The following STX8 variants were observed in gnomAD, a reference collection of about 807,000 sequenced individuals.
The protein encoded by STX8 is syntaxin 8.
A neutral mutation model predicts 37.5 loss-of-function variants in STX8; 23 were observed. The observed-to-expected ratio is 0.61, with a 90% CI of 0.44 to 0.87. The LOEUF (loss-of-function observed/expected upper bound fraction) is 0.87. Among genes scored for constraint, STX8 ranks in the 40% least tolerant of loss-of-function variants. The probability of loss-of-function intolerance (pLI) is 0.00; values close to 1 mark genes in which losing one functional copy is unlikely to be tolerated. For missense variants in STX8, 313 were observed against 284.7 expected (o/e 1.10, Z -0.71); for synonymous variants, 115 against 99.1 (o/e 1.16, Z -0.95).
chr17:9,347,995 A>C (rs1257557551), intron 7 of STX8, among the ~76,000 whole-genome samples: 2 of 152,206 alleles, frequency 1.3e-5, no homozygotes, highest in Non-Finnish European at 2.9e-5. Context: ...GTTGAGTAAT[A>C]TTCCATTGTA....
At chr17:9,369,762 G>A (rs914869663) in intron 7 of STX8, among the ~76,000 whole-genome samples, 3 of 150,334 alleles carry the variant, frequency 2.0e-5, no homozygotes, top group African/African-American at 2.4e-5. Context: ...GCATGACGGC[G>A]AGTGCCTGTA....
chr17:9,300,466 C>T (rs185851988), intron 7 of STX8, among the ~76,000 whole-genome samples: 124 of 151,948 alleles, frequency 8.2e-4, no homozygotes, highest in Middle Eastern at 3.4e-3. Flanking sequence ...TTTGCTTCAG[C>T]TAGTTTGAGT....
chr17:9,501,404 T>G (rs1257843427), intron 5 of STX8, among the ~76,000 whole-genome samples: 1 of 152,022 alleles, frequency 6.6e-6, no homozygotes, highest in Non-Finnish European at 1.5e-5. Flanking sequence ...ACAACAGAAA[T>G]AGGCCCATAC....
intron 6 of STX8, among the ~76,000 whole-genome samples, chr17:9,438,650 C>T (rs936229837): frequency 1.3e-5 from 2 of 152,006 alleles, no homozygotes; most frequent in African/African-American, 4.8e-5. Context: ...GTCAAACAGC[C>T]GGGCGTGGTG....
chr17:9,409,287 T>C (rs967187871), intron 6 of STX8, among the ~76,000 whole-genome samples: 1 of 152,154 alleles, frequency 6.6e-6, no homozygotes, highest in African/African-American at 2.4e-5. Context: ...AAACACCTGG[T>C]GTTTAAAGCT....
rs1133295 is a variant in STX8 at position 9,568,394 on chromosome 17, T to G, written c.94A>C (p.Arg32=). ...EKIQQRNQYE[R]KGEKAPKLTV... ...ACCTTTGGTGCCTTTTCACCTTTTC[T>G]TTCATATTGATTTCGTTGTTGAATT... is the stretch of plus-strand genomic sequence containing the variant. Residue 32 remains arginine, a synonymous_variant, in exon 2 of 8, where the codon AGA becomes CGA. Transcript: ENST00000306357. 0.76 allele frequency: 1,227,078 copies of G among 1,610,794 alleles called. 476,403 individuals carry two copies. The highest frequency in any genetic ancestry group is 0.99 in the East Asian group (44,466 of 44,866).
intron 4 of STX8, among the ~76,000 whole-genome samples, chr17:9,511,872 G>T (rs1320334244): frequency 6.6e-6 from 1 of 152,088 alleles, no homozygotes; most frequent in Non-Finnish European, 1.5e-5. Flanking sequence ...TCTCAGAACT[G>T]ATAAACAAAT....
At chr17:9,391,725 A>G (rs73973723) in intron 6 of STX8, among the ~76,000 whole-genome samples, 55 of 152,034 alleles carry the variant, frequency 3.6e-4, no homozygotes, top group African/African-American at 1.3e-3. Flanking sequence ...AGAGAGAAAA[A>G]AAAAAAGGAA....
intron 6 of STX8, 33 bp downstream of exon 6, chr17:9,491,796 G>C (rs761652275): frequency 6.4e-7 from 1 of 1,556,980 alleles, no homozygotes; most frequent in African/African-American, 1.4e-5. Flanking sequence ...TTATGTCAAC[G>C]GCAAATCTGG....
At chr17:9,333,284 T>G (rs567317226) in intron 7 of STX8, among the ~76,000 whole-genome samples, 16 of 152,362 alleles carry the variant, frequency 1.1e-4, no homozygotes, top group African/African-American at 3.8e-4. Context: ...CAATGTCTTT[T>G]GTTCCCATCT....
At chr17:9,433,271 A>G (rs896481905) in intron 6 of STX8, among the ~76,000 whole-genome samples, 1 of 152,254 alleles carries the variant, frequency 6.6e-6, no homozygotes, top group African/African-American at 2.4e-5. Context: ...GATGAGCTAG[A>G]CGGTCTTAAC....
intron 6 of STX8, among the ~76,000 whole-genome samples, chr17:9,383,875 T>A (rs1433112596): frequency 6.6e-6 from 1 of 152,166 alleles, no homozygotes; most frequent in Non-Finnish European, 1.5e-5. Flanking sequence ...TCAAAAGCCA[T>A]ATTACATACT....
chr17:9,315,477 T>C (rs1487213128), intron 7 of STX8, among the ~76,000 whole-genome samples: 3 of 152,210 alleles, frequency 2.0e-5, no homozygotes, highest in Admixed American at 6.5e-5. Flanking sequence ...CCAATTCTAA[T>C]GCATTTAAAT....
intron 7 of STX8, among the ~76,000 whole-genome samples, chr17:9,361,800 C>T (rs1911072041): frequency 1.3e-5 from 2 of 152,132 alleles, no homozygotes; most frequent in Non-Finnish European, 2.9e-5. Flanking sequence ...GAGTGGCAAG[C>T]ACCAGAAAGT....
At chr17:9,534,195 CAAT>C (rs1453390915) in intron 4 of STX8, among the ~76,000 whole-genome samples, 5 of 137,328 alleles carry the variant, frequency 3.6e-5, no homozygotes, top group Non-Finnish European at 8.1e-5. Flanking sequence ...TAAACAACAA[CAAT>C]AGAAAAGTAC....
chr17:9,572,059 T>C (rs79358934), intron 1 of STX8, among the ~76,000 whole-genome samples: 2,603 of 152,230 alleles, frequency 0.017, 50 homozygotes, highest in Non-Finnish European at 0.028. Context: ...AAAATAAAGT[T>C]TTTAAAAAGC....
intron 6 of STX8, among the ~76,000 whole-genome samples, chr17:9,417,472 T>C (rs1597658433): frequency 6.6e-6 from 1 of 152,192 alleles, no homozygotes; most frequent in South Asian, 2.1e-4. Flanking sequence ...AATCTATTTG[T>C]CTTTGTCCCC....
chr17:9,562,355 G>A (rs1907271458), intron 2 of STX8, among the ~76,000 whole-genome samples: 1 of 151,308 alleles, frequency 6.6e-6, no homozygotes, highest in East Asian at 2.0e-4. Context: ...GAAGTGAGCC[G>A]AGATCGCGCC....
At chr17:9,562,392 C>T (rs1168065197) in intron 2 of STX8, among the ~76,000 whole-genome samples, 6 of 148,820 alleles carry the variant, frequency 4.0e-5, no homozygotes, top group African/African-American at 1.2e-4. Flanking sequence ...GGCGACAGAG[C>T]GAGACTCCGT....
Sources: allele counts gnomAD v4.1 joint callset (sites outside exome capture counted in the v4.1 genomes callset), GRCh38; gene constraint gnomAD v4.1.1; transcripts MANE v1.5; gene names NCBI Gene and HGNC (gene_info 2026-07-23, HGNC 2026-07-21).